The following FANCI variants were observed in gnomAD, a reference collection of about 807,000 sequenced individuals.
FANCI encodes FA complementation group I.
A neutral mutation model predicts 176.1 loss-of-function variants in FANCI; 156 were observed. The ratio of observed to expected loss-of-function variants is 0.89; its 90% confidence interval spans 0.78 to 1.01. FANCI has a LOEUF of 1.01. Among genes scored for constraint, FANCI ranks in the 50% least tolerant of loss-of-function variants. The pLI is 0.00. For missense variants in FANCI, 1,678 were observed against 1,534.1 expected (o/e 1.09, Z -1.57); for synonymous variants, 613 against 541.7 (o/e 1.13, Z -1.83).
chr15:89,307,851 A>G (rs2054787309), intron 34 of FANCI, 179 bp downstream of exon 34: 4 of 1,473,182 alleles, frequency 2.7e-6, no homozygotes, highest in African/African-American at 1.4e-5. Flanking sequence ...GGACATCTTT[A>G]TGTAAAGAAA....
At chr15:89,245,321 G>A (rs1293050096) in intron 1 of FANCI, 3 of 138,724 alleles carry the variant, frequency 2.2e-5, no homozygotes, top group Non-Finnish European at 3.1e-5. Context: ...GGTGCGTGCC[G>A]TCACGCCCAG....
chr15:89,295,221 C>T (rs2054207506), intron 24 of FANCI, 127 bp downstream of exon 24: 7 of 1,124,348 alleles, frequency 6.2e-6, no homozygotes, highest in Non-Finnish European at 8.6e-6. Flanking sequence ...GAATATAAAA[C>T]ATTAGCCAGG....
Position 89,293,099 on chromosome 15 carries a change from G to A in FANCI, c.2291+36G>A. On this transcript the variant is annotated intron_variant, in intron 22 of 37. Coordinates refer to ENST00000310775, the MANE Select transcript of FANCI (RefSeq NM_001113378.2). Reference sequence around the variant, plus strand: ...GCTATAACTCCATTTGTAATTTGATGAATTCTCCATTTTATTTACATATTT... The same window carrying A: ...GCTATAACTCCATTTGTAATTTGATAAATTCTCCATTTTATTTACATATTT... The A allele has an allele frequency of 4.4e-6, 7 of 1,605,760 alleles. No homozygotes were observed. In the South Asian group the frequency reaches 5.5e-5, roughly 13 times the overall value.
intron 2 of FANCI, among the ~76,000 whole-genome samples, chr15:89,257,627 C>T (rs1043582189): frequency 2.6e-5 from 4 of 152,104 alleles, no homozygotes; most frequent in Admixed American, 6.5e-5. Flanking sequence ...GGATTAGGAC[C>T]CATCCTAATG....
chr15:89,301,404 A>C lies in FANCI; in HGVS notation c.2968A>C (p.Thr990Pro). Reference sequence around the variant, plus strand: ...AGCCCTCCTGCTAGTCACGGTTCTTACCAGTTTGTCCAAGTTACTGGAGCC... The same window carrying C: ...AGCCCTCCTGCTAGTCACGGTTCTTCCCAGTTTGTCCAAGTTACTGGAGCC... ...KEALLLVTVLTSLSKLLEPSS... is the reference protein window; with the variant it reads ...KEALLLVTVLPSLSKLLEPSS... The change falls in exon 27 of 38, where the codon ACC becomes CCC. Residue 990 changes from threonine (T) to proline (P), a missense_variant. Physicochemically the swap from Thr to Pro is conservative, Grantham distance 38. This residue lies in a region of FANCI where 1,204 missense variants were observed against 1,077.4 expected (regional missense o/e 1.12). Transcript: ENST00000310775. 1 of 1,613,802 alleles carries C rather than the reference A, an allele frequency of 6.2e-7. No individual in the cohort carries two copies. Among genetic ancestry groups the C allele is most frequent in the Non-Finnish European group, 8.5e-7 (1 of 1,179,980 alleles).
intron 14 of FANCI, 28 bp downstream of exon 14, chr15:89,278,802 G>GT (rs774674296): frequency 1.3e-6 from 2 of 1,566,308 alleles, no homozygotes; most frequent in Non-Finnish European, 1.8e-6. Flanking sequence ...AATGAATAAA[G>GT]TTTTTAGAAA....
At chr15:89,301,230 C>T in intron 26 of FANCI, 96 bp from the exon 27 acceptor site, 1 of 833,730 alleles carries the variant, frequency 1.2e-6, no homozygotes. Flanking sequence ...TGAATTCTTT[C>T]TGTCCTAGTC....
chr15:89,300,975 T>C (rs1049696910), intron 26 of FANCI, among the ~76,000 whole-genome samples: 1 of 152,178 alleles, frequency 6.6e-6, no homozygotes, highest in African/African-American at 2.4e-5. Flanking sequence ...ACAGGGAAGG[T>C]ATATAAGCAT....
Position 89,264,013 on chromosome 15 carries a change from TTC to T in FANCI, c.661_662del (p.Ser221LeufsTer21), listed in dbSNP as rs766718098. The T allele has an allele frequency of 6.2e-7, 1 of 1,614,100 alleles. No homozygotes were observed. The highest frequency in any genetic ancestry group is 1.1e-5 in the South Asian group (1 of 91,078). On this transcript the variant is annotated frameshift_variant, in exon 8 of 38. Coordinates refer to ENST00000310775, the MANE Select transcript of FANCI (RefSeq NM_001113378.2). LOFTEE classifies it high-confidence loss of function. ...CCACCTTTGGTCTATCAGCTTCTGG[TTC>T]TCTCCTCCAAGGTACAAATGGAAAA... is the stretch of plus-strand genomic sequence containing the variant.
At chr15:89,263,282 T>C in intron 6 of FANCI, 137 bp from the exon 7 acceptor site, 1 of 698,390 alleles carries the variant, frequency 1.4e-6, no homozygotes, top group East Asian at 2.7e-5. Context: ...TTGTTTTAAA[T>C]GGTATTTATT....
At chr15:89,305,311 A>C in intron 29 of FANCI, 30 bp from the exon 30 acceptor site, 2 of 1,614,170 alleles carry the variant, frequency 1.2e-6, no homozygotes, top group Non-Finnish European at 1.7e-6. Context: ...CCTTACTGTC[A>C]TTAGGTCTCA....
chr15:89,313,973 T>TCAC (rs2055077565), intron 35 of FANCI, among the ~76,000 whole-genome samples: 1 of 98,286 alleles, frequency 1.0e-5, no homozygotes, highest in Non-Finnish European at 2.0e-5. Context: ...AGATATATAA[T>TCAC]CACACACACA....
chr15:89,262,053 A>G (rs934829312), intron 6 of FANCI, among the ~76,000 whole-genome samples, 175 bp downstream of exon 6: 1 of 152,242 alleles, frequency 6.6e-6, no homozygotes, highest in African/African-American at 2.4e-5. Context: ...ATGATTTACT[A>G]TATTCTGTCC....
intron 36 of FANCI, 79 bp from the exon 37 acceptor site, chr15:89,315,203 G>T (rs1179797724): frequency 9.7e-7 from 1 of 1,031,958 alleles, no homozygotes; most frequent in Non-Finnish European, 1.5e-6. Context: ...GTTTCTCAGA[G>T]GTGAACTAAA....
chr15:89,261,819 A>C lies in FANCI; in HGVS notation c.446-2A>C. 1 of 1,614,038 alleles carries C rather than the reference A, an allele frequency of 6.2e-7. No homozygotes were observed. The highest frequency in any genetic ancestry group is 8.5e-7 in the Non-Finnish European group (1 of 1,179,952). On this transcript the variant is annotated splice_acceptor_variant, in intron 5 of 37. Transcript: ENST00000310775. LOFTEE classifies it high-confidence loss of function. ...ATTGCTCAGTATATTTTGCATTTCT[A>C]GGTGTACTGAGTGGGGAAGAATGTA...
intron 10 of FANCI, among the ~76,000 whole-genome samples, chr15:89,269,960 G>C (rs2053135665): frequency 6.6e-6 from 1 of 152,060 alleles, no homozygotes. Context: ...ACAAGTGCGT[G>C]CCACCACGCC....
At chr15:89,277,388 G>A (rs2053447387) in intron 13 of FANCI, among the ~76,000 whole-genome samples, 1 of 152,044 alleles carries the variant, frequency 6.6e-6, no homozygotes, top group African/African-American at 2.4e-5. Context: ...GGCTGAGGTG[G>A]GCAGATCACT....
At chr15:89,312,309 C>T (rs904033743) in intron 34 of FANCI, among the ~76,000 whole-genome samples, 8 of 152,182 alleles carry the variant, frequency 5.3e-5, no homozygotes, top group African/African-American at 1.9e-4. Flanking sequence ...CCTCACCAGC[C>T]CCTTGGCTGA....
At chr15:89,297,241 C>T (rs1334002184) in intron 24 of FANCI, among the ~76,000 whole-genome samples, 8 of 151,360 alleles carry the variant, frequency 5.3e-5, no homozygotes, top group South Asian at 4.2e-4. Context: ...AGGCGATGGG[C>T]GGCCAGGCAG....
Sources: gnomAD v4.1 joint callset for allele counts (sites outside exome capture counted in the v4.1 genomes callset) on GRCh38, gnomAD v4.1.1 for gene constraint, gnomAD v4.1.1 regional missense constraint, MANE v1.5 for transcripts, NCBI Gene and HGNC (gene_info 2026-07-23, HGNC 2026-07-21) for gene names.